ENTPD1: variants seen among roughly 807,000 people sequenced by gnomAD.
ENTPD1 encodes ectonucleoside triphosphate diphosphohydrolase 1.
A neutral mutation model predicts 57.0 loss-of-function variants in ENTPD1; 33 were observed. The observed-to-expected ratio is 0.58, with a 90% CI of 0.44 to 0.77. The LOEUF (loss-of-function observed/expected upper bound fraction) is 0.77, where lower values mean the gene tolerates loss of function less well. Ranked by LOEUF, ENTPD1 falls within the 30% of genes least tolerant of loss-of-function variation. ENTPD1 has a pLI of 0.00. For missense variants in ENTPD1, 501 were observed against 603.4 expected (o/e 0.83, Z 1.78); for synonymous variants, 202 against 218.8 (o/e 0.92, Z 0.68).
chr10:95,775,786 A>T (rs2098131464), intron 1 of ENTPD1, among the ~76,000 whole-genome samples: 1 of 152,138 alleles, frequency 6.6e-6, no homozygotes, highest in Non-Finnish European at 1.5e-5. Context: ...GTCTCTTTGT[A>T]GGTCTCTAAG....
intron 1 of ENTPD1, among the ~76,000 whole-genome samples, chr10:95,796,539 C>T (rs1589864609): frequency 6.6e-6 from 1 of 152,276 alleles, no homozygotes; most frequent in East Asian, 1.9e-4. Flanking sequence ...TAGAGACCAA[C>T]ACCTTAATAC....
At chr10:95,695,131 T>G in the ENTPD1 span, among the ~76,000 whole-genome samples, 1 of 152,080 alleles carries the variant, frequency 6.6e-6, no homozygotes, top group Non-Finnish European at 1.5e-5. Context: ...CTCGAATTCC[T>G]GACCTCAAGT....
intron 1 of ENTPD1, among the ~76,000 whole-genome samples, chr10:95,733,845 G>A (rs2097991798): frequency 6.6e-6 from 1 of 152,162 alleles, no homozygotes; most frequent in Non-Finnish European, 1.5e-5. Context: ...CTGGCTCATT[G>A]TCAAAATTAT....
At chr10:95,813,041 C>T (rs1644693618) in intron 1 of ENTPD1, among the ~76,000 whole-genome samples, 1 of 152,074 alleles carries the variant, frequency 6.6e-6, no homozygotes, top group Admixed American at 6.5e-5. Flanking sequence ...ATAATTGTTG[C>T]AAACTTTTGT....
intron 1 of ENTPD1, among the ~76,000 whole-genome samples, chr10:95,769,870 A>G (rs930957999): frequency 6.6e-6 from 1 of 152,214 alleles, no homozygotes; most frequent in Non-Finnish European, 1.5e-5. Context: ...TGGGCCTTCC[A>G]AGAAACTAGA....
Position 95,876,222 on chromosome 10 carries a change from A to C in ENTPD1, c.*9839A>C. The stretch of plus-strand genomic sequence containing the variant: ...TATAAATACTCCTATAAAAATGTAA[A>C]GAAACACATAATGTAGATTGCTAAT... On this transcript the variant is annotated 3_prime_UTR_variant, in exon 10 of 10. Transcript: ENST00000371205. The C allele has an allele frequency of 3.1e-6, 3 of 977,438 alleles. No homozygotes were observed. Among genetic ancestry groups the C allele is most frequent in the Non-Finnish European group, 3.6e-6 (3 of 822,650 alleles). The allele number at this position is 977,438 out of a possible 1,614,324, so 60.5% of individuals were successfully genotyped here. A position where few individuals can be genotyped will look rare whatever the true frequency, so the allele number is the denominator to read the frequency against.
intron 1 of ENTPD1, among the ~76,000 whole-genome samples, chr10:95,771,784 A>T (rs181129877): frequency 6.6e-6 from 1 of 152,182 alleles, no homozygotes; most frequent in African/African-American, 2.4e-5. Context: ...ATGTTTTCCC[A>T]TTAGTCAAGA....
upstream of ENTPD1, among the ~76,000 whole-genome samples, chr10:95,751,602 C>A (rs1446374149): frequency 6.6e-6 from 1 of 151,874 alleles, no homozygotes; most frequent in Non-Finnish European, 1.5e-5. Context: ...GCAATCCCAG[C>A]TACTCAGGAG....
Position 95,876,258 on chromosome 10 carries a change from C to T in ENTPD1, c.*9875C>T. 1.0e-6 allele frequency: 1 copy of T among 978,420 alleles called. No homozygotes were observed. Among genetic ancestry groups the T allele is most frequent in the South Asian group, 4.7e-5 (1 of 21,164 alleles). 60.6% of individuals were successfully genotyped at this position (978,420 alleles called of 1,614,324 possible). On this transcript the variant is annotated 3_prime_UTR_variant, in exon 10 of 10. Transcript: ENST00000371205. ...ATGTAGATTGCTAATTTTATAATAA[C>T]ACAAGTTGATTTTGACATCCAACTT... is the stretch of plus-strand genomic sequence containing the variant.
At position 95,869,268 on chromosome 10, in the gene ENTPD1, G is replaced by A; in HGVS notation, c.*2885G>A. Reference sequence around the variant, plus strand: ...TTTTTTTTTTTTTTTTTTTTTTTTTGAGAGAGAGTCTCACTCCATTGCCCA... The same window carrying A: ...TTTTTTTTTTTTTTTTTTTTTTTTTAAGAGAGAGTCTCACTCCATTGCCCA... On this transcript the variant is annotated 3_prime_UTR_variant, in exon 10 of 10. Transcript: ENST00000371205. 1 of 612,820 alleles carries A rather than the reference G, an allele frequency of 1.6e-6. No homozygotes were observed. Among genetic ancestry groups the A allele is most frequent in the African/African-American group, 4.1e-5 (1 of 24,246 alleles). The allele number at this position is 612,820 out of a possible 1,614,324, so 38.0% of individuals were successfully genotyped here. A position where few individuals can be genotyped will look rare whatever the true frequency, so the allele number is the denominator to read the frequency against.
At chr10:95,842,773 G>T (rs531828948) in intron 4 of ENTPD1, among the ~76,000 whole-genome samples, 1 of 152,116 alleles carries the variant, frequency 6.6e-6, no homozygotes, top group Non-Finnish European at 1.5e-5. Context: ...GACTGGGCCC[G>T]TATACTCTGG....
At chr10:95,719,714 C>T (rs180783828) in intron 1 of ENTPD1, among the ~76,000 whole-genome samples, 12 of 152,306 alleles carry the variant, frequency 7.9e-5, no homozygotes, top group African/African-American at 2.6e-4. Flanking sequence ...AAATCATCCA[C>T]GTACCAAAGG....
intron 1 of ENTPD1, among the ~76,000 whole-genome samples, chr10:95,790,000 A>G (rs533915522): frequency 6.6e-6 from 1 of 152,228 alleles, no homozygotes; most frequent in South Asian, 2.1e-4. Flanking sequence ...ACAACACTGT[A>G]AACTTTGAAT....
At chr10:95,738,957 A>G (rs2097997433) in intron 1 of ENTPD1, among the ~76,000 whole-genome samples, 2 of 151,960 alleles carry the variant, frequency 1.3e-5, no homozygotes. Flanking sequence ...CACCACAATA[A>G]AGCAAGTTAC....
intron 1 of ENTPD1, among the ~76,000 whole-genome samples, chr10:95,812,380 C>T (rs972196777): frequency 5.3e-5 from 8 of 152,118 alleles, no homozygotes; most frequent in African/African-American, 1.9e-4. Flanking sequence ...TAGCATAATG[C>T]TTTTGAGATT....
At chr10:95,837,829 C>T (rs1227884443) in intron 2 of ENTPD1, among the ~76,000 whole-genome samples, 1 of 152,100 alleles carries the variant, frequency 6.6e-6, no homozygotes, top group African/African-American at 2.4e-5. Context: ...TTGCCACCTA[C>T]ATTTTCAGGT....
intron 1 of ENTPD1, among the ~76,000 whole-genome samples, chr10:95,775,102 G>A (rs2098129081): frequency 6.6e-6 from 1 of 152,126 alleles, no homozygotes; most frequent in African/African-American, 2.4e-5. Context: ...AATTCTGAAT[G>A]GGAGTTCACT....
intron 4 of ENTPD1, 34 bp from the exon 5 acceptor site, chr10:95,844,442 C>A (rs1487368923): frequency 6.2e-7 from 1 of 1,613,430 alleles, no homozygotes; most frequent in Non-Finnish European, 8.5e-7. Flanking sequence ...ATTATTAAAA[C>A]AAAAATGATA....
intron 2 of ENTPD1, among the ~76,000 whole-genome samples, chr10:95,830,052 T>A (rs1163642619): frequency 6.6e-6 from 1 of 152,272 alleles, no homozygotes; most frequent in East Asian, 1.9e-4. Flanking sequence ...AGATGTTGCC[T>A]CTTGACCTTG....
Sources: gnomAD v4.1 joint callset for allele counts (sites outside exome capture counted in the v4.1 genomes callset) on GRCh38, gnomAD v4.1.1 for gene constraint, MANE v1.5 for transcripts, NCBI Gene and HGNC (gene_info 2026-07-23, HGNC 2026-07-21) for gene names.